Variants in TMC2 observed in about 807,000 individuals in gnomAD.
TMC2 encodes the protein transmembrane channel-like protein 2.
In TMC2, 102 loss-of-function variants were observed where a neutral mutation model predicts 105.9. The observed-to-expected ratio is 0.96, with a 90% CI of 0.82 to 1.14. TMC2 has a LOEUF of 1.14. Among genes scored for constraint, TMC2 ranks in the 50% most tolerant of loss-of-function variants. TMC2 has a pLI of 0.00. For missense variants in TMC2, 1,093 were observed against 1,134.3 expected (o/e 0.96, Z 0.52); for synonymous variants, 402 against 422.8 (o/e 0.95, Z 0.60).
intron 17 of TMC2, among the ~76,000 whole-genome samples, chr20:2,631,037 TTAAA>T (rs1424841564): frequency 1.3e-5 from 2 of 152,244 alleles, no homozygotes; most frequent in Non-Finnish European, 2.9e-5. Context: ...TTCTTTTGGG[TTAAA>T]TATTTTAGTA....
chr20:2,594,669 G>A (rs1257051715), intron 8 of TMC2, among the ~76,000 whole-genome samples, 156 bp from the exon 9 acceptor site: 1 of 152,216 alleles, frequency 6.6e-6, no homozygotes, highest in African/African-American at 2.4e-5. Context: ...GCCACTGGAG[G>A]AGGTGAAGGG....
At chr20:2,591,218 AT>A (rs1489707978) in intron 7 of TMC2, among the ~76,000 whole-genome samples, 2 of 152,222 alleles carry the variant, frequency 1.3e-5, no homozygotes, top group African/African-American at 4.8e-5. Context: ...TTTCTTGTAC[AT>A]ATTTTTATTA....
intron 2 of TMC2, among the ~76,000 whole-genome samples, chr20:2,549,720 T>C (rs2085945958): frequency 6.6e-6 from 1 of 152,050 alleles, no homozygotes; most frequent in East Asian, 1.9e-4. Flanking sequence ...TCCAGCCAAA[T>C]AGGAAAAATA....
chr20:2,631,277 G>GA (rs1371670813), intron 17 of TMC2, among the ~76,000 whole-genome samples: 2 of 152,108 alleles, frequency 1.3e-5, no homozygotes, highest in African/African-American at 4.8e-5. Flanking sequence ...TATGCCAACT[G>GA]AATAAGACAG....
chr20:2,567,152 C>CGGTGAGGACCATGT (rs2086070010), intron 4 of TMC2, among the ~76,000 whole-genome samples: 1 of 152,190 alleles, frequency 6.6e-6, no homozygotes, highest in Non-Finnish European at 1.5e-5. Flanking sequence ...CCCATGGTTT[C>CGGTGAGGACCATGT]GGTGAGGACC....
chr20:2,594,245 T>TTG (rs2086288850), intron 8 of TMC2, among the ~76,000 whole-genome samples: 1 of 149,348 alleles, frequency 6.7e-6, no homozygotes, highest in South Asian at 2.1e-4. Flanking sequence ...TTTTTTTTTT[T>TTG]GAGACAGAGT....
chr20:2,642,621 G>A lies in TMC2; in HGVS notation c.*1270G>A, dbSNP rs1161951517. 1.3e-5 allele frequency among the ~76,000 whole-genome samples: 2 copies of A among 152,122 alleles called. No individual in the cohort carries two copies. Among genetic ancestry groups the A allele is most frequent in the Admixed American group, 1.3e-4 (2 of 15,272 alleles). The stretch of plus-strand genomic sequence containing the variant: ...TGGTTCTATGCAGAATATTTCTTAG[G>A]GGGAAGAAGCCAGGGGCCAGACCAT... On this transcript the variant is annotated 3_prime_UTR_variant, in exon 20 of 20. Coordinates refer to ENST00000358864, the MANE Select transcript of TMC2 (RefSeq NM_080751.3).
In TMC2 at chr20:2,561,917, C is replaced by T; in HGVS notation, c.461C>T (p.Ala154Val). The T allele has an allele frequency of 6.2e-7, 1 of 1,614,216 alleles. No homozygotes were observed. ...GGESLSEEEL[A>V]QILEQVEEKK... is the part of the protein sequence containing the mutation. ...GAGTCCCTGTCCGAGGAGGAACTGG[C>T]CCAGATCCTGGAGCAGGTGGAAGAA... Residue 154 changes from alanine (A) to valine (V), a missense_variant, in exon 4 of 20, where the codon GCC becomes GTC. By Grantham distance (64) the Ala-to-Val change is moderately conservative. Coordinates refer to ENST00000358864, the MANE Select transcript of TMC2 (RefSeq NM_080751.3).
At chr20:2,583,684 A>C (rs2086211626) in intron 7 of TMC2, among the ~76,000 whole-genome samples, 1 of 152,058 alleles carries the variant, frequency 6.6e-6, no homozygotes, top group South Asian at 2.1e-4. Context: ...GCTGGTCTTG[A>C]ATCCTGACCT....
intron 16 of TMC2, among the ~76,000 whole-genome samples, chr20:2,618,670 A>G (rs987179401): frequency 1.3e-5 from 2 of 152,232 alleles, no homozygotes; most frequent in African/African-American, 4.8e-5. Flanking sequence ...AGGTAGATCA[A>G]GAGATAATGT....
intron 10 of TMC2, among the ~76,000 whole-genome samples, chr20:2,601,623 C>T (rs1385578670): frequency 6.6e-6 from 1 of 151,886 alleles, no homozygotes; most frequent in Non-Finnish European, 1.5e-5. Context: ...GGCAGATCAC[C>T]TAAGGTCAGG....
At chr20:2,636,341 ATGT>A (rs1280786961) in intron 18 of TMC2, among the ~76,000 whole-genome samples, 1 of 152,106 alleles carries the variant, frequency 6.6e-6, no homozygotes, top group Non-Finnish European at 1.5e-5. Flanking sequence ...ACTAAAAGAA[ATGT>A]TGTCAAAATC....
intron 4 of TMC2, among the ~76,000 whole-genome samples, chr20:2,568,963 T>G (rs2086083709): frequency 6.6e-6 from 1 of 152,176 alleles, no homozygotes; most frequent in African/African-American, 2.4e-5. Context: ...GGGTAGGCAT[T>G]TTGTAGGAGC....
intron 4 of TMC2, among the ~76,000 whole-genome samples, chr20:2,566,055 C>T (rs2086061969): frequency 1.3e-5 from 2 of 152,026 alleles, no homozygotes; most frequent in South Asian, 4.2e-4. Flanking sequence ...CATATGAAAA[C>T]AAAAGGCTGG....
chr20:2,632,649 G>T (rs1351043909), intron 17 of TMC2, among the ~76,000 whole-genome samples: 1 of 152,042 alleles, frequency 6.6e-6, no homozygotes, highest in African/African-American at 2.4e-5. Flanking sequence ...GAATGCAGTG[G>T]CGAGATCTTG....
At chr20:2,588,647 C>G (rs1284975807) in intron 7 of TMC2, among the ~76,000 whole-genome samples, 4 of 150,408 alleles carry the variant, frequency 2.7e-5, no homozygotes, top group African/African-American at 9.9e-5. Flanking sequence ...CATCTTCTCT[C>G]TCCTTCTGGG....
chr20:2,568,463 G>A (rs1308391321), intron 4 of TMC2, among the ~76,000 whole-genome samples: 1 of 152,106 alleles, frequency 6.6e-6, no homozygotes, highest in Admixed American at 6.6e-5. Flanking sequence ...TGTTCTCTTG[G>A]GGGTTTGCTG....
intron 9 of TMC2, among the ~76,000 whole-genome samples, chr20:2,596,229 G>A (rs544679148): frequency 6.6e-6 from 1 of 152,262 alleles, no homozygotes; most frequent in East Asian, 1.9e-4. Flanking sequence ...AAGACAGGTA[G>A]GATGAAATAG....
intron 6 of TMC2, 31 bp from the exon 7 acceptor site, chr20:2,579,919 C>A (rs748271885): frequency 6.7e-7 from 1 of 1,484,040 alleles, no homozygotes; most frequent in Non-Finnish European, 9.4e-7. Flanking sequence ...CCTTCTGCAG[C>A]ACTCATACCC....
Sources: gnomAD v4.1 joint callset for allele counts (sites outside exome capture counted in the v4.1 genomes callset) on GRCh38, gnomAD v4.1.1 for gene constraint, MANE v1.5 for transcripts, NCBI Gene and HGNC (gene_info 2026-07-23, HGNC 2026-07-21) for gene names.